The following CNTLN variants were observed in gnomAD, a reference collection of about 807,000 sequenced individuals.
The protein encoded by CNTLN is centlein, centrosomal protein.
In CNTLN, 212 loss-of-function variants were observed where a neutral mutation model predicts 180.0. The ratio of observed to expected loss-of-function variants is 1.18; its 90% CI spans 1.05 to 1.32. The LOEUF is 1.32. CNTLN is among the 40% of genes most tolerant of loss of function. CNTLN has a pLI of 0.00. For missense variants in CNTLN, 2,095 were observed against 1,610.9 expected, an observed-to-expected ratio of 1.30 and a Z score of -5.14; for synonymous variants, 722 against 563.1, an observed-to-expected ratio of 1.28 and a Z score of -3.99.
At chr9:17,170,947 G>A (rs1820384872) in intron 2 of CNTLN, among the ~76,000 whole-genome samples, 2 of 152,086 alleles carry the variant, frequency 1.3e-5, no homozygotes, top group Admixed American at 1.3e-4. Context: ...GTAACATGCT[G>A]TACAGGTTTG....
At chr9:17,236,337 A>G (rs140125076) in intron 4 of CNTLN, 72 bp from the exon 5 acceptor site, 1 of 1,256,100 alleles carries the variant, frequency 8.0e-7, no homozygotes, top group Non-Finnish European at 1.1e-6. Context: ...TTTGCTGATT[A>G]GTGCTCACCA....
chr9:17,522,338 G>A, the CNTLN span, among the ~76,000 whole-genome samples: 4 of 152,108 alleles, frequency 2.6e-5, no homozygotes, highest in South Asian at 2.1e-4. Flanking sequence ...TCCTCAAACA[G>A]CCCTATAAGG....
At chr9:17,145,492 A>T (rs1396682864) in intron 2 of CNTLN, among the ~76,000 whole-genome samples, 1 of 152,204 alleles carries the variant, frequency 6.6e-6, no homozygotes, top group African/African-American at 2.4e-5. Flanking sequence ...TCCATTAGTT[A>T]TCCAAATTAT....
the CNTLN span, among the ~76,000 whole-genome samples, chr9:17,523,287 A>T: frequency 6.6e-6 from 1 of 152,136 alleles, no homozygotes; most frequent in Non-Finnish European, 1.5e-5. Flanking sequence ...CCCAGGCTGG[A>T]GTGCAGTGGT....
At chr9:17,295,329 G>A (rs1047244865) in intron 6 of CNTLN, among the ~76,000 whole-genome samples, 8 of 152,194 alleles carry the variant, frequency 5.3e-5, no homozygotes, top group Admixed American at 2.0e-4. Context: ...AGTGGGCGCC[G>A]AGGCCAAGGT....
At chr9:17,362,195 G>C (rs1159234275) in intron 12 of CNTLN, among the ~76,000 whole-genome samples, 1 of 152,186 alleles carries the variant, frequency 6.6e-6, no homozygotes, top group African/African-American at 2.4e-5. Context: ...ACCTTCTGTT[G>C]GGTTAGTGAT....
intron 13 of CNTLN, among the ~76,000 whole-genome samples, chr9:17,375,124 GGA>G (rs1824648196): frequency 6.6e-6 from 1 of 152,124 alleles, no homozygotes; most frequent in Non-Finnish European, 1.5e-5. Flanking sequence ...GCAACAACAT[GGA>G]TGAAATTGGA....
intron 1 of CNTLN, among the ~76,000 whole-genome samples, chr9:17,137,097 A>T (rs746432754): frequency 6.6e-6 from 1 of 152,178 alleles, no homozygotes; most frequent in Non-Finnish European, 1.5e-5. Context: ...ATTCTTTAAA[A>T]ATGTGGCTCC....
intron 13 of CNTLN, among the ~76,000 whole-genome samples, chr9:17,383,273 A>C (rs530160733): frequency 3.3e-5 from 5 of 152,188 alleles, no homozygotes; most frequent in Admixed American, 2.6e-4. Context: ...CTCACACTGT[A>C]ATCCCAAGAT....
intron 2 of CNTLN, among the ~76,000 whole-genome samples, chr9:17,200,613 T>C (rs1822455667): frequency 6.6e-6 from 1 of 152,136 alleles, no homozygotes; most frequent in Non-Finnish European, 1.5e-5. Context: ...GAATGGGAGT[T>C]CAGTCATGAT....
chr9:17,290,536 C>G (rs922749196), intron 6 of CNTLN, among the ~76,000 whole-genome samples: 4 of 142,714 alleles, frequency 2.8e-5, no homozygotes, highest in Non-Finnish European at 6.2e-5. Flanking sequence ...GTGGGCTCCA[C>G]CCAGTTCGAG....
intron 2 of CNTLN, among the ~76,000 whole-genome samples, chr9:17,187,217 C>T (rs1275241687): frequency 1.3e-5 from 2 of 152,040 alleles, no homozygotes. Context: ...TCCTAATCTG[C>T]AAAGACAAAT....
rs1024483278 is a variant in CNTLN at position 17,484,437 on chromosome 9, C to A, written c.3998C>A (p.Ser1333Ter). Residue 1333 changes from serine to a stop codon, truncating the protein, a stop_gained, in exon 24 of 26, where the codon TCA becomes TAA. Transcript: ENST00000380647. LOFTEE classifies it high-confidence loss of function. ...TTGGCAGCTTCTATCCTGAACATTT[C>A]ACGGTCAGATTTAGAGGAAATATTA... ...QTLAASILNI[S>*]RSDLEEILDT... The A allele has an allele frequency of 6.2e-7, 1 of 1,606,742 alleles. No individual in the cohort carries two copies. Among genetic ancestry groups the A allele is most frequent in the South Asian group, 1.1e-5 (1 of 89,038 alleles).
intron 2 of CNTLN, among the ~76,000 whole-genome samples, chr9:17,194,075 A>C (rs1272075690): frequency 6.6e-6 from 1 of 152,198 alleles, no homozygotes; most frequent in African/African-American, 2.4e-5. Context: ...TAGGCTGCAC[A>C]CAGTACAGGG....
rs1303377161 is a variant in CNTLN at position 17,308,989 on chromosome 9, CACACACAG to C, written c.1147-55_1147-48del. 2.7e-3 allele frequency: 2,866 copies of C among 1,062,218 alleles called. 15 individuals are homozygous for C. The highest frequency in any genetic ancestry group is 0.017 in the Middle Eastern group (53 of 3,126). 65.8% of individuals were successfully genotyped at this position (1,062,218 alleles called of 1,614,324 possible). On this transcript the variant is annotated intron_variant, in intron 7 of 25. Transcript: ENST00000380647. ...GTTCATATGTATATATACACACACA[CACACACAG>C]ACACACAGACACATAGTTTTATTGA...
Position 17,476,078 on chromosome 9 carries a change from T to G in CNTLN, c.3856-8217T>G, listed in dbSNP as rs1184901987. Among the ~76,000 whole-genome samples, 3 of 152,144 alleles carry G rather than the reference T, an allele frequency of 2.0e-5. No individual in the cohort carries two copies. In the East Asian group the frequency reaches 5.8e-4, roughly 29 times the overall value. On this transcript the variant is annotated intron_variant, in intron 23 of 25. Coordinates refer to ENST00000380647, the MANE Select transcript of CNTLN (RefSeq NM_017738.4). ...TCACTTTGTGTCTCTGTGTCACATT[T>G]TGGTAACTATTGCAGTATTTCAAAC...
intron 13 of CNTLN, 29 bp from the exon 14 acceptor site, chr9:17,388,133 A>G: frequency 7.0e-7 from 1 of 1,437,864 alleles, no homozygotes; most frequent in East Asian, 2.3e-5. Context: ...TACACGTGGT[A>G]TCATAATATA....
chr9:17,404,626 C>T (rs1029174903), intron 15 of CNTLN, among the ~76,000 whole-genome samples: 1 of 151,740 alleles, frequency 6.6e-6, no homozygotes, highest in Non-Finnish European at 1.5e-5. Flanking sequence ...TGTTAGTACT[C>T]CTTTACCTAG....
intron 13 of CNTLN, among the ~76,000 whole-genome samples, chr9:17,380,730 G>A (rs930623613): frequency 6.6e-6 from 1 of 152,186 alleles, no homozygotes; most frequent in Non-Finnish European, 1.5e-5. Flanking sequence ...ATTGAAAGTT[G>A]AGGGCTTGTG....
Sources: allele counts gnomAD v4.1 joint callset (sites outside exome capture counted in the v4.1 genomes callset), GRCh38; gene constraint gnomAD v4.1.1; transcripts MANE v1.5; gene names NCBI Gene and HGNC (gene_info 2026-07-23, HGNC 2026-07-21).